Variants in KIAA0825 observed in about 807,000 individuals in gnomAD.
KIAA0825 encodes KIAA0825, also known as uncharacterized protein KIAA0825.
KIAA0825 carries 119 observed loss-of-function variants against 147.6 expected under a neutral mutation model. The ratio of observed to expected loss-of-function variants is 0.81; its 90% CI spans 0.69 to 0.94. The LOEUF (loss-of-function observed/expected upper bound fraction) is 0.94. Ranked by LOEUF, KIAA0825 falls within the 40% of genes least tolerant of loss-of-function variation. The pLI is 0.00. For missense variants in KIAA0825, 1,381 were observed against 1,472.7 expected, an observed-to-expected ratio of 0.94 and a Z score of 1.02; for synonymous variants, 470 against 518.1, an observed-to-expected ratio of 0.91 and a Z score of 1.26.
intron 20 of KIAA0825, among the ~76,000 whole-genome samples, chr5:94,250,167 G>C (rs1562334272): frequency 6.6e-6 from 1 of 152,074 alleles, no homozygotes; most frequent in Non-Finnish European, 1.5e-5. Flanking sequence ...TCATTCGGCT[G>C]TGATTACTAA....
chr5:94,529,498 T>A (rs1447810155), intron 3 of KIAA0825, among the ~76,000 whole-genome samples: 1 of 150,506 alleles, frequency 6.6e-6, no homozygotes, highest in Non-Finnish European at 1.5e-5. Context: ...AGTAAAAAAA[T>A]CTGACCACAG....
At chr5:94,566,314 A>G (rs1475010509) in intron 2 of KIAA0825, among the ~76,000 whole-genome samples, 1 of 152,206 alleles carries the variant, frequency 6.6e-6, no homozygotes. Flanking sequence ...GTCCATATAA[A>G]TTATCATCCA....
chr5:94,365,609 A>T (rs1745731881), intron 20 of KIAA0825, among the ~76,000 whole-genome samples: 1 of 152,206 alleles, frequency 6.6e-6, no homozygotes, highest in African/African-American at 2.4e-5. Context: ...TTACAGTGAA[A>T]GAGATCGGAC....
At chr5:94,565,965 T>G (rs1466408247) in intron 2 of KIAA0825, among the ~76,000 whole-genome samples, 1 of 152,234 alleles carries the variant, frequency 6.6e-6, no homozygotes, top group African/African-American at 2.4e-5. Context: ...AACATCGTTC[T>G]ACTGTCTGCT....
chr5:94,418,064 TTC>T (rs1274073399), intron 14 of KIAA0825, among the ~76,000 whole-genome samples: 1 of 152,198 alleles, frequency 6.6e-6, no homozygotes, highest in Non-Finnish European at 1.5e-5. Context: ...AAATAATAAT[TTC>T]TGTTTTCTAT....
chr5:94,561,176 A>G (rs1421843314), intron 2 of KIAA0825, among the ~76,000 whole-genome samples: 1 of 152,212 alleles, frequency 6.6e-6, no homozygotes, highest in East Asian at 1.9e-4. Flanking sequence ...TACATAATGG[A>G]TCCCAATAAA....
At chr5:94,513,670 GA>G (rs1554297203) in intron 5 of KIAA0825, among the ~76,000 whole-genome samples, 1 of 151,402 alleles carries the variant, frequency 6.6e-6, no homozygotes, top group Non-Finnish European at 1.5e-5. Context: ...CCATGCAGCA[GA>G]AAAAAAAGTT....
chr5:94,463,152 A>G (rs1760045137), intron 11 of KIAA0825, among the ~76,000 whole-genome samples: 1 of 151,674 alleles, frequency 6.6e-6, no homozygotes, highest in Non-Finnish European at 1.5e-5. Context: ...TATCTTATTC[A>G]TAGACTTATT....
At position 94,594,312 on chromosome 5, in the gene KIAA0825, C is replaced by A. The variant is rs1315451492; in HGVS notation, c.-152-11729G>T. On this transcript the variant is annotated intron_variant, in intron 1 of 20. Transcript: ENST00000682413. ...CCCATGGTTTCTCGACTGCTTCTGT[C>A]AGCAATATAATAAAGGTATTGCTGG... The A allele has an allele frequency of 6.1e-6, 4 of 660,722 alleles. No homozygotes were observed. In the Admixed American group the frequency reaches 7.2e-5, roughly 12 times the overall value. The allele number at this position is 660,722 out of a possible 1,614,324, so 40.9% of individuals were successfully genotyped here.
At position 94,586,466 on chromosome 5, in the gene KIAA0825, T is replaced by C. The variant is rs139351448; in HGVS notation, c.-152-3883A>G. Among the ~76,000 whole-genome samples, 414 of 152,294 alleles carry C rather than the reference T, an allele frequency of 2.7e-3. 3 individuals carry two copies. Among genetic ancestry groups the C allele is most frequent in the African/African-American group, 9.1e-3 (379 of 41,562 alleles). On this transcript the variant is annotated intron_variant, in intron 1 of 20. Coordinates refer to ENST00000682413, the MANE Select transcript of KIAA0825 (RefSeq NM_001145678.3). ...AGAAATGGATAAATTCCTGGACACA[T>C]ACACCTTCTCAAGACTAAATCAGGA...
At chr5:94,440,812 G>A in intron 13 of KIAA0825, among the ~76,000 whole-genome samples, 1 of 151,890 alleles carries the variant, frequency 6.6e-6, no homozygotes, top group South Asian at 2.1e-4. Flanking sequence ...TGAATCAGCA[G>A]GAGAGCAAAG....
chr5:94,506,306 G>A (rs988807382), intron 5 of KIAA0825, among the ~76,000 whole-genome samples: 4 of 152,168 alleles, frequency 2.6e-5, no homozygotes, highest in African/African-American at 9.6e-5. Context: ...ATACAGGTTA[G>A]CTACTTTGAT....
chr5:94,387,620 G>A (rs570938936), intron 18 of KIAA0825, among the ~76,000 whole-genome samples: 12 of 152,032 alleles, frequency 7.9e-5, no homozygotes, highest in Admixed American at 3.9e-4. Flanking sequence ...ACTTGAACCC[G>A]GGAGGTGGAG....
At chr5:94,387,977 C>T (rs1043174142) in intron 18 of KIAA0825, among the ~76,000 whole-genome samples, 2 of 152,192 alleles carry the variant, frequency 1.3e-5, no homozygotes, top group Non-Finnish European at 2.9e-5. Context: ...CTGAAGTTAA[C>T]AATCATCGTT....
Position 94,384,253 on chromosome 5 carries a change from G to T in KIAA0825, c.3710+115C>A, listed in dbSNP as rs541144881. On this transcript the variant is annotated intron_variant, in intron 20 of 20. Coordinates refer to ENST00000682413, the MANE Select transcript of KIAA0825 (RefSeq NM_001145678.3). ...AAATAGATTCCCCTGCTGATAAAATGTTTTCACTTTTCCCAAAAGTATGCT... is the reference window on the plus strand; with the variant it reads ...AAATAGATTCCCCTGCTGATAAAATTTTTTCACTTTTCCCAAAAGTATGCT... The T allele has an allele frequency of 8.5e-6, 6 of 709,992 alleles. No homozygotes were observed. The South Asian group carries it at 1.2e-4, about 14-fold the overall frequency. 44.0% of individuals were successfully genotyped at this position (709,992 alleles called of 1,614,324 possible).
chr5:94,397,391 G>C (rs1750807978), intron 16 of KIAA0825, among the ~76,000 whole-genome samples: 1 of 151,988 alleles, frequency 6.6e-6, no homozygotes, highest in Non-Finnish European at 1.5e-5. Flanking sequence ...TCCTTGTTTG[G>C]TGCTATTTCA....
At chr5:94,246,068 C>A (rs962377188) in intron 20 of KIAA0825, among the ~76,000 whole-genome samples, 5 of 151,940 alleles carry the variant, frequency 3.3e-5, no homozygotes, top group Non-Finnish European at 7.4e-5. Context: ...TATCTTAGTT[C>A]GACAATGAGA....
Position 94,154,007 on chromosome 5 carries a change from T to G in KIAA0825, c.3828A>C (p.Ter1276TyrextTer16). 6.5e-7 allele frequency: 1 copy of G among 1,545,176 alleles called. No individual in the cohort carries two copies. The highest frequency in any genetic ancestry group is 8.8e-7 in the Non-Finnish European group (1 of 1,141,030). ...TAAAGCTGTTGCTGTTTTCTGCAGATTACTGTTCCTCTATGTTATCTGAGG... is the reference window on the plus strand; with the variant it reads ...TAAAGCTGTTGCTGTTTTCTGCAGAGTACTGTTCCTCTATGTTATCTGAGG... ...SSASDNIEEQ* is the reference protein window; with the variant it reads ...SSASDNIEEQY Residue 1276 changes from the stop codon to tyrosine, a stop_lost, in exon 21 of 21, where the codon TAA (stop) becomes TAC (tyrosine). Coordinates refer to ENST00000682413, the MANE Select transcript of KIAA0825 (RefSeq NM_001145678.3).
At chr5:94,337,308 G>A (rs1016743505) in intron 20 of KIAA0825, among the ~76,000 whole-genome samples, 1 of 152,064 alleles carries the variant, frequency 6.6e-6, no homozygotes. Flanking sequence ...CATGATTCTT[G>A]CTTGGAACTT....
Sources: gnomAD v4.1 joint callset for allele counts (sites outside exome capture counted in the v4.1 genomes callset) on GRCh38, gnomAD v4.1.1 for gene constraint, MANE v1.5 for transcripts, NCBI Gene and HGNC (gene_info 2026-07-23, HGNC 2026-07-21) for gene names.